KCNMB2: variants seen among roughly 807,000 people sequenced by gnomAD.
The protein encoded by KCNMB2 is potassium calcium-activated channel subfamily M regulatory beta subunit 2.
A neutral mutation model predicts 24.5 loss-of-function variants in KCNMB2; 9 were observed. The ratio of observed to expected loss-of-function variants is 0.37; its 90% CI spans 0.22 to 0.64. The LOEUF is 0.64. KCNMB2 is among the 30% of genes least tolerant of loss of function. KCNMB2 has a pLI of 0.63. For synonymous variants in KCNMB2, 109 were observed against 104.4 expected (o/e 1.04, Z -0.27); for missense variants, 226 against 284.3 (o/e 0.79, Z 1.47).
At chr3:178,750,627 A>G (rs1723812645) in intron 1 of KCNMB2, among the ~76,000 whole-genome samples, 1 of 152,190 alleles carries the variant, frequency 6.6e-6, no homozygotes, top group Non-Finnish European at 1.5e-5. Flanking sequence ...TCACCTTGTC[A>G]TTCAGCACAC....
At chr3:178,601,608 G>A (rs933297741) in intron 1 of KCNMB2, among the ~76,000 whole-genome samples, 1 of 152,172 alleles carries the variant, frequency 6.6e-6, no homozygotes, top group Non-Finnish European at 1.5e-5. Context: ...CTTTCCTCAG[G>A]AGGGGCCCTC....
At chr3:178,706,898 T>C (rs1328865528) in intron 1 of KCNMB2, among the ~76,000 whole-genome samples, 1 of 152,100 alleles carries the variant, frequency 6.6e-6, no homozygotes, top group Non-Finnish European at 1.5e-5. Flanking sequence ...AGAATACAAA[T>C]ACCTAATGTG....
chr3:178,599,171 C>G (rs542918826), intron 1 of KCNMB2, among the ~76,000 whole-genome samples: 1 of 152,190 alleles, frequency 6.6e-6, no homozygotes, highest in East Asian at 1.9e-4. Flanking sequence ...TGTGGTTCAC[C>G]AAAGCTCTAA....
chr3:178,635,422 C>CACACACAT (rs1171763973), intron 1 of KCNMB2, among the ~76,000 whole-genome samples: 4 of 151,816 alleles, frequency 2.6e-5, no homozygotes, highest in Non-Finnish European at 4.4e-5. Flanking sequence ...CACACACACA[C>CACACACAT]ACACACACAC....
In KCNMB2 at chr3:178,802,530, G is replaced by T. The variant is rs368914172; in HGVS notation, c.-67-4813G>T. Among the ~76,000 whole-genome samples, 50 of 152,228 alleles carry T rather than the reference G, an allele frequency of 3.3e-4. 1 individual carries two copies. In the South Asian group the frequency reaches 0.01, roughly 31 times the overall value. On this transcript the variant is annotated intron_variant, in intron 1 of 4. Transcript: ENST00000452583. ...CACCCAGTAGAAGCTTCTAGAAACA[G>T]AAAGAGTATCCATAAATAATTAAAC...
chr3:178,757,276 A>G (rs184529223), intron 1 of KCNMB2: 1 of 135,182 alleles, frequency 7.4e-6, no homozygotes, highest in African/African-American at 2.6e-5. Context: ...GTGTGTGTAT[A>G]CATATATCCA....
intron 1 of KCNMB2, among the ~76,000 whole-genome samples, chr3:178,755,778 C>T (rs565395664): frequency 1.6e-4 from 25 of 152,222 alleles, no homozygotes; most frequent in Admixed American, 9.8e-4. Context: ...ACAATACAAC[C>T]GTTTTCTGAG....
chr3:178,596,698 C>T (rs996487062), intron 1 of KCNMB2, among the ~76,000 whole-genome samples: 3 of 152,030 alleles, frequency 2.0e-5, no homozygotes, highest in African/African-American at 7.3e-5. Context: ...CACCAACCCC[C>T]GCCCCCAACC....
intron 1 of KCNMB2, among the ~76,000 whole-genome samples, chr3:178,780,056 A>ATT (rs1712764105): frequency 7.6e-5 from 8 of 105,908 alleles, no homozygotes; most frequent in African/African-American, 2.4e-4. Context: ...TTTTTTTTAA[A>ATT]AAAAAAAAAA....
chr3:178,585,017 C>T (rs938899575), intron 1 of KCNMB2, among the ~76,000 whole-genome samples: 28 of 152,314 alleles, frequency 1.8e-4, no homozygotes, highest in African/African-American at 6.5e-4. Flanking sequence ...ATATTTTTGG[C>T]TTCAGCAGCA....
At chr3:178,737,734 A>T (rs1225787465) in intron 1 of KCNMB2, among the ~76,000 whole-genome samples, 4 of 152,206 alleles carry the variant, frequency 2.6e-5, no homozygotes, top group Admixed American at 2.0e-4. Flanking sequence ...GCTTTGGTAT[A>T]GTGGCTTAAG....
intron 1 of KCNMB2, among the ~76,000 whole-genome samples, chr3:178,768,977 T>C (rs1409233494): frequency 6.6e-6 from 1 of 152,148 alleles, no homozygotes; most frequent in East Asian, 1.9e-4. Context: ...GATAGCAATA[T>C]TAGAGAGCTG....
At chr3:178,601,344 A>G (rs900488263) in intron 1 of KCNMB2, among the ~76,000 whole-genome samples, 5 of 152,140 alleles carry the variant, frequency 3.3e-5, no homozygotes, top group Admixed American at 6.6e-5. Flanking sequence ...TAAGTATAAT[A>G]AAAATAAATA....
chr3:178,585,983 TTTAA>T (rs1402013003), intron 1 of KCNMB2, among the ~76,000 whole-genome samples: 3 of 152,300 alleles, frequency 2.0e-5, no homozygotes, highest in Admixed American at 6.5e-5. Flanking sequence ...TAAAACAATC[TTTAA>T]TTGAGTATTT....
At chr3:178,707,664 T>G (rs1722321821) in intron 1 of KCNMB2, among the ~76,000 whole-genome samples, 1 of 152,126 alleles carries the variant, frequency 6.6e-6, no homozygotes, top group Non-Finnish European at 1.5e-5. Flanking sequence ...CATAAGTAAT[T>G]TTTAAAGGCG....
chr3:178,778,643 C>T (rs2108428944), intron 1 of KCNMB2, among the ~76,000 whole-genome samples: 1 of 152,242 alleles, frequency 6.6e-6, no homozygotes, highest in Non-Finnish European at 1.5e-5. Context: ...TTTGAATTTG[C>T]ATATAATATT....
chr3:178,607,274 T>C (rs978342427), intron 1 of KCNMB2, among the ~76,000 whole-genome samples: 4 of 152,164 alleles, frequency 2.6e-5, no homozygotes, highest in African/African-American at 9.7e-5. Flanking sequence ...AAGAAAGATA[T>C]TTTGACGGAG....
At chr3:178,831,513 G>T (rs1229663096) in intron 4 of KCNMB2, among the ~76,000 whole-genome samples, 1 of 152,120 alleles carries the variant, frequency 6.6e-6, no homozygotes, top group African/African-American at 2.4e-5. Flanking sequence ...ATCAACAGTG[G>T]ACAGGATAAA....
chr3:178,691,927 CT>C (rs1486182528), intron 1 of KCNMB2, among the ~76,000 whole-genome samples: 1 of 152,066 alleles, frequency 6.6e-6, no homozygotes, highest in Non-Finnish European at 1.5e-5. Flanking sequence ...TATTTTTTGA[CT>C]TTTTAATAAT....
Sources: gnomAD v4.1 joint callset for allele counts (sites outside exome capture counted in the v4.1 genomes callset) on GRCh38, gnomAD v4.1.1 for gene constraint, MANE v1.5 for transcripts, NCBI Gene and HGNC (gene_info 2026-07-23, HGNC 2026-07-21) for gene names.